The following GPC6 variants were observed in gnomAD, a reference collection of about 807,000 sequenced individuals.
GPC6 encodes glypican-6.
In GPC6, 14 loss-of-function variants were observed where a neutral mutation model predicts 55.2. That is an observed-to-expected ratio of 0.25 (90% CI 0.17 to 0.40). The LOEUF is 0.40. Among genes scored for constraint, GPC6 ranks in the 10% least tolerant of loss-of-function variants. GPC6 has a pLI of 1.00. For missense variants in GPC6, 641 were observed against 708.5 expected (o/e 0.90, Z 1.08); for synonymous variants, 278 against 259.6 (o/e 1.07, Z -0.68).
chr13:94,062,875 A>G (rs1327305032), intron 4 of GPC6, among the ~76,000 whole-genome samples: 1 of 152,194 alleles, frequency 6.6e-6, no homozygotes, highest in Non-Finnish European at 1.5e-5. Flanking sequence ...CATTTCTGAA[A>G]TCTTTAACCG....
At chr13:93,593,514 A>T (rs1398212866) in intron 2 of GPC6, among the ~76,000 whole-genome samples, 2 of 152,150 alleles carry the variant, frequency 1.3e-5, no homozygotes, top group Non-Finnish European at 2.9e-5. Context: ...AAAAATTTTA[A>T]ATCCAGATTT....
intron 6 of GPC6, among the ~76,000 whole-genome samples, chr13:94,362,366 C>T (rs911202665): frequency 3.9e-5 from 6 of 152,238 alleles, no homozygotes; most frequent in East Asian, 1.9e-4. Flanking sequence ...ATTTCACAGC[C>T]CCCTTTTAGA....
At chr13:93,529,507 A>ATT (rs1296781406) in intron 1 of GPC6, among the ~76,000 whole-genome samples, 2 of 115,764 alleles carry the variant, frequency 1.7e-5, no homozygotes, top group African/African-American at 7.1e-5. Flanking sequence ...GGACTCTGAG[A>ATT]TTCTTTTTTT....
intron 4 of GPC6, among the ~76,000 whole-genome samples, chr13:94,083,244 G>A (rs879746294): frequency 3.9e-5 from 6 of 151,984 alleles, no homozygotes; most frequent in Admixed American, 1.3e-4. Flanking sequence ...TCACCCTCCT[G>A]AGTAGCTGGG....
intron 4 of GPC6, among the ~76,000 whole-genome samples, chr13:94,104,764 G>A (rs1268734692): frequency 6.6e-6 from 1 of 152,160 alleles, no homozygotes; most frequent in East Asian, 1.9e-4. Flanking sequence ...TACAAGGGAT[G>A]TGAAGGACCT....
At chr13:94,306,377 A>G (rs1271594945) in intron 6 of GPC6, 2 of 520,286 alleles carry the variant, frequency 3.8e-6, no homozygotes, top group Non-Finnish European at 3.4e-6. Flanking sequence ...TCAACTTCTT[A>G]TTTCTCATGA....
intron 8 of GPC6, among the ~76,000 whole-genome samples, chr13:94,399,858 T>G (rs1881054219): frequency 6.6e-6 from 1 of 152,236 alleles, no homozygotes; most frequent in African/African-American, 2.4e-5. Context: ...TACACAGGTT[T>G]CAGCCATTGT....
chr13:93,290,859 GA>G (rs1878296539), intron 1 of GPC6, among the ~76,000 whole-genome samples: 2 of 152,030 alleles, frequency 1.3e-5, no homozygotes, highest in Non-Finnish European at 2.9e-5. Flanking sequence ...TGTATTTAAG[GA>G]AATATAAAAA....
At chr13:93,450,442 T>C (rs1878181591) in intron 1 of GPC6, among the ~76,000 whole-genome samples, 1 of 152,212 alleles carries the variant, frequency 6.6e-6, no homozygotes, top group African/African-American at 2.4e-5. Flanking sequence ...AAGTGCTCAT[T>C]CTTATTTTAT....
intron 1 of GPC6, among the ~76,000 whole-genome samples, chr13:93,417,748 A>T (rs1876756199): frequency 1.3e-5 from 2 of 152,264 alleles, no homozygotes; most frequent in East Asian, 1.9e-4. Context: ...GTTAAGAAAT[A>T]GTGCCTGCAA....
intron 1 of GPC6, among the ~76,000 whole-genome samples, chr13:93,283,887 G>A (rs1878029659): frequency 6.6e-6 from 1 of 152,080 alleles, no homozygotes; most frequent in Admixed American, 6.6e-5. Context: ...TGGAGTGGAG[G>A]GGTACATAAC....
intron 1 of GPC6, among the ~76,000 whole-genome samples, chr13:93,508,926 T>A (rs1341636247): frequency 6.6e-6 from 1 of 152,156 alleles, no homozygotes; most frequent in Non-Finnish European, 1.5e-5. Context: ...GAATTAGGCT[T>A]CATCTTGCTA....
chr13:93,603,365 G>C (rs1321542856), intron 2 of GPC6, among the ~76,000 whole-genome samples: 1 of 152,134 alleles, frequency 6.6e-6, no homozygotes, highest in East Asian at 1.9e-4. Context: ...AAAACTTTCA[G>C]ACATGCATGT....
At chr13:93,287,872 T>G (rs1878188048) in intron 1 of GPC6, among the ~76,000 whole-genome samples, 2 of 152,196 alleles carry the variant, frequency 1.3e-5, no homozygotes, top group African/African-American at 4.8e-5. Flanking sequence ...AAAGGTTTTT[T>G]TTGTTGTAAT....
chr13:94,285,507 T>C (rs889431256), intron 4 of GPC6, among the ~76,000 whole-genome samples: 1 of 152,174 alleles, frequency 6.6e-6, no homozygotes, highest in African/African-American at 2.4e-5. Context: ...GGAGAGAGTG[T>C]TTTAATTTCA....
At chr13:93,770,885 G>GTT (rs917962811) in intron 2 of GPC6, among the ~76,000 whole-genome samples, 2 of 149,604 alleles carry the variant, frequency 1.3e-5, no homozygotes, top group African/African-American at 4.9e-5. Context: ...TACTTAAGTA[G>GTT]TTTTTTTTTT....
At chr13:93,818,677 T>C (rs1476363137) in intron 2 of GPC6, 1 of 152,290 alleles carries the variant, frequency 6.6e-6, no homozygotes, top group East Asian at 1.9e-4. Flanking sequence ...AAGGAAAAGA[T>C]ACCAGCACAG....
intron 1 of GPC6, among the ~76,000 whole-genome samples, chr13:93,331,117 T>C (rs1419444059): frequency 6.6e-6 from 1 of 152,184 alleles, no homozygotes; most frequent in East Asian, 1.9e-4. Flanking sequence ...AGTCTTATTT[T>C]TTATTCTCTA....
chr13:93,304,303 A>C (rs1232048986), intron 1 of GPC6, among the ~76,000 whole-genome samples: 1 of 152,208 alleles, frequency 6.6e-6, no homozygotes, highest in Non-Finnish European at 1.5e-5. Flanking sequence ...CCATGTGACC[A>C]AGGCTGTGAG....
Sources: allele counts gnomAD v4.1 joint callset (sites outside exome capture counted in the v4.1 genomes callset), GRCh38; gene constraint gnomAD v4.1.1; transcripts MANE v1.5; gene names NCBI Gene and HGNC (gene_info 2026-07-23, HGNC 2026-07-21).